Variants in PRKN observed in about 807,000 individuals in gnomAD.
PRKN encodes E3 ubiquitin-protein ligase parkin.
Under a neutral mutation model 59.5 loss-of-function variants are expected in PRKN, and 56 were observed. That is an observed-to-expected ratio of 0.94 (90% CI 0.76 to 1.18). The LOEUF (loss-of-function observed/expected upper bound fraction) is 1.18. Ranked by LOEUF, PRKN falls within the 50% of genes most tolerant of loss-of-function variation. The pLI is 0.00. For missense variants in PRKN, 657 were observed against 596.4 expected, an observed-to-expected ratio of 1.10 and a Z score of -1.06; for synonymous variants, 250 against 222.1, an observed-to-expected ratio of 1.13 and a Z score of -1.12.
At chr6:162,208,449 C>A (rs1355447514) in intron 3 of PRKN, among the ~76,000 whole-genome samples, 1 of 152,158 alleles carries the variant, frequency 6.6e-6, no homozygotes, top group African/African-American at 2.4e-5. Flanking sequence ...CGTATCTGCA[C>A]AATAATTTGA....
At chr6:161,882,195 T>C (rs1794961433) in intron 6 of PRKN, among the ~76,000 whole-genome samples, 1 of 152,214 alleles carries the variant, frequency 6.6e-6, no homozygotes, top group African/African-American at 2.4e-5. Context: ...ATTATGTAAA[T>C]AACAGCATCA....
chr6:162,272,203 C>T (rs1437535233), intron 2 of PRKN, among the ~76,000 whole-genome samples: 1 of 152,154 alleles, frequency 6.6e-6, no homozygotes, highest in African/African-American at 2.4e-5. Flanking sequence ...GAGGACAGTG[C>T]TGTTTGAGCA....
At chr6:162,644,929 A>C (rs1036056378) in intron 1 of PRKN, among the ~76,000 whole-genome samples, 2 of 152,202 alleles carry the variant, frequency 1.3e-5, no homozygotes, top group Non-Finnish European at 2.9e-5. Flanking sequence ...TTCATGATTA[A>C]TAAGATGCAT....
At chr6:162,075,056 G>A (rs182274969) in intron 4 of PRKN, among the ~76,000 whole-genome samples, 13 of 149,918 alleles carry the variant, frequency 8.7e-5, no homozygotes, top group African/African-American at 2.0e-4. Context: ...GATTATCTTC[G>A]TCTGTTCAAG....
At chr6:162,668,472 G>A (rs1331051803) in intron 1 of PRKN, among the ~76,000 whole-genome samples, 4 of 152,178 alleles carry the variant, frequency 2.6e-5, no homozygotes, top group Non-Finnish European at 5.9e-5. Flanking sequence ...CTGGGCTATG[G>A]CTAGAAGAGA....
At chr6:162,469,055 CACTCATAA>C (rs1791578354) in intron 1 of PRKN, among the ~76,000 whole-genome samples, 1 of 151,998 alleles carries the variant, frequency 6.6e-6, no homozygotes, top group Admixed American at 6.6e-5. Flanking sequence ...GGAATGTATC[CACTCATAA>C]ACATTCCTTA....
chr6:162,407,037 C>T (rs1788107238), intron 2 of PRKN, among the ~76,000 whole-genome samples: 1 of 152,126 alleles, frequency 6.6e-6, no homozygotes, highest in African/African-American at 2.4e-5. Context: ...GTTACTAGAT[C>T]ATGTGATCTA....
chr6:162,528,075 G>GA (rs1562358549), intron 1 of PRKN, among the ~76,000 whole-genome samples: 27 of 62,816 alleles, frequency 4.3e-4, no homozygotes, highest in South Asian at 2.0e-3. Flanking sequence ...GGGCGGGGGG[G>GA]CGGGAGGGGT....
rs983927165 is a variant in PRKN at position 161,457,475 on chromosome 6, A to T, written c.1084-70598T>A. On this transcript the variant is annotated intron_variant, in intron 9 of 11. Coordinates refer to ENST00000366898, the MANE Select transcript of PRKN (RefSeq NM_004562.3). This position sits in a 1 kb window ranked among gnomAD's most constrained non-coding sequence, Gnocchi z 5.0. ...ATACAACTGTATTCTGAAAGGATAC[A>T]TGGATGTCATATAAATAACTCAAAA... 6.6e-6 allele frequency among the ~76,000 whole-genome samples: 1 copy of T among 152,232 alleles called. No individual in the cohort carries two copies. Among genetic ancestry groups the T allele is most frequent in the Non-Finnish European group, 1.5e-5 (1 of 68,038 alleles).
intron 7 of PRKN, among the ~76,000 whole-genome samples, chr6:161,647,834 C>T (rs2128160576): frequency 7.7e-6 from 1 of 130,614 alleles, no homozygotes; most frequent in African/African-American, 3.7e-5. Context: ...AATTTTAATC[C>T]TTTCAGATAA....
chr6:161,432,392 C>T (rs1463003982), intron 9 of PRKN, among the ~76,000 whole-genome samples: 4 of 131,524 alleles, frequency 3.0e-5, no homozygotes, highest in Non-Finnish European at 4.7e-5. Context: ...GACGAAGTCT[C>T]ACTCTTGTCA....
At chr6:162,515,647 G>A (rs140113882) in intron 1 of PRKN, among the ~76,000 whole-genome samples, 2 of 152,138 alleles carry the variant, frequency 1.3e-5, no homozygotes, top group East Asian at 1.9e-4. Context: ...GTTGGTTATC[G>A]GGTACATTGT....
intron 7 of PRKN, among the ~76,000 whole-genome samples, chr6:161,644,788 C>T (rs1305910199): frequency 4.6e-5 from 7 of 152,210 alleles, no homozygotes; most frequent in Non-Finnish European, 7.3e-5. Flanking sequence ...AGCTTCGAGA[C>T]GTCATTTGAG....
chr6:161,795,201 A>G (rs1040406126), intron 6 of PRKN, among the ~76,000 whole-genome samples: 2 of 140,732 alleles, frequency 1.4e-5, no homozygotes, highest in African/African-American at 5.3e-5. Flanking sequence ...GTATTATTAC[A>G]TGTTATTTGT....
chr6:162,722,969 C>T (rs1778991248), intron 1 of PRKN, among the ~76,000 whole-genome samples: 1 of 152,132 alleles, frequency 6.6e-6, no homozygotes. Context: ...TAAACAGAAG[C>T]TTTGGGGTAC....
intron 2 of PRKN, among the ~76,000 whole-genome samples, chr6:162,434,316 C>T (rs1789674654): frequency 6.6e-6 from 1 of 152,132 alleles, no homozygotes; most frequent in Non-Finnish European, 1.5e-5. Context: ...TGATGTTCTG[C>T]CTCCATTCAA....
intron 1 of PRKN, among the ~76,000 whole-genome samples, chr6:162,525,771 A>G (rs1778254738): frequency 6.6e-6 from 1 of 152,206 alleles, no homozygotes; most frequent in African/African-American, 2.4e-5. Context: ...TCTTCTCCAC[A>G]AGGTTGTCAA....
At chr6:162,679,035 C>G (rs1779665680) in intron 1 of PRKN, among the ~76,000 whole-genome samples, 1 of 151,940 alleles carries the variant, frequency 6.6e-6, no homozygotes, top group Non-Finnish European at 1.5e-5. Flanking sequence ...CTTGGCCTCC[C>G]AAAGTGCGGG....
At chr6:161,403,661 T>C (rs1160281401) in intron 9 of PRKN, among the ~76,000 whole-genome samples, 1 of 152,174 alleles carries the variant, frequency 6.6e-6, no homozygotes, top group Non-Finnish European at 1.5e-5. Context: ...ATCTTCTCCC[T>C]AGCCCTCCTT....
Sources: gnomAD v4.1 joint callset for allele counts (sites outside exome capture counted in the v4.1 genomes callset) on GRCh38, gnomAD v4.1.1 for gene constraint, Gnocchi (gnomAD v3.1) non-coding constraint, MANE v1.5 for transcripts, NCBI Gene and HGNC (gene_info 2026-07-23, HGNC 2026-07-21) for gene names.